The following ZNF8 variants were observed in gnomAD, a reference collection of about 807,000 sequenced individuals.
ZNF8 encodes the protein zinc finger protein 8.
A neutral mutation model predicts 12.2 loss-of-function variants in ZNF8; 9 were observed. The observed-to-expected ratio is 0.73, with a 90% confidence interval of 0.44 to 1.28. The LOEUF (loss-of-function observed/expected upper bound fraction) is 1.28, where lower values mean the gene tolerates loss of function less well. ZNF8 is among the 50% of genes most tolerant of loss of function. The pLI is 0.00. For missense variants in ZNF8, 664 were observed against 729.1 expected (o/e 0.91, Z 1.03); for synonymous variants, 274 against 282.3 (o/e 0.97, Z 0.30).
chr19:58,290,136 C>T lies in ZNF8; in HGVS notation c.289+3931C>T, dbSNP rs778622620. On this transcript the variant is annotated intron_variant, in intron 3 of 3. Transcript: ENST00000621650. ...TTTTTTTTTTTTTTTTTTTTTGAGACGGAGTCTCGCTCTCTTCCCCAGACT... is the reference window on the plus strand; with the variant it reads ...TTTTTTTTTTTTTTTTTTTTTGAGATGGAGTCTCGCTCTCTTCCCCAGACT... 1.4e-3 allele frequency among the ~76,000 whole-genome samples: 115 copies of T among 85,072 alleles called. 1 individual carries two copies. The highest frequency in any genetic ancestry group is 3.2e-3 in the Admixed American group (19 of 5,996). The allele number at this position is 85,072 out of a possible 152,430, so 55.8% of individuals were successfully genotyped here. A position where few individuals can be genotyped will look rare whatever the true frequency, so the allele number is the denominator to read the frequency against.
chr19:58,285,563 C>T (rs889067242), intron 1 of ZNF8, among the ~76,000 whole-genome samples, 154 bp from the exon 2 acceptor site: 2 of 152,176 alleles, frequency 1.3e-5, no homozygotes, highest in Non-Finnish European at 1.5e-5. Context: ...GTGTAGTGGC[C>T]TAATAGGTGC....
chr19:58,280,251 G>A, intron 1 of ZNF8: 1 of 208,806 alleles, frequency 4.8e-6, no homozygotes. Context: ...CCTGAGACCT[G>A]AGTCTGGAGG....
intron 2 of ZNF8, 94 bp from the exon 3 acceptor site, chr19:58,286,016 C>T (rs559447391): frequency 2.8e-6 from 4 of 1,423,158 alleles, no homozygotes; most frequent in South Asian, 1.2e-5. Flanking sequence ...GAGGTGCCCA[C>T]GTGTCCTCAC....
At chr19:58,287,638 C>CA (rs2051391814) in intron 3 of ZNF8, among the ~76,000 whole-genome samples, 2 of 64,834 alleles carry the variant, frequency 3.1e-5, no homozygotes, top group Admixed American at 4.4e-4. Context: ...TGCACCTGGC[C>CA]TTTTTTTTTT....
intron 1 of ZNF8, among the ~76,000 whole-genome samples, chr19:58,282,022 A>G (rs2051353340): frequency 6.6e-6 from 1 of 152,216 alleles, no homozygotes; most frequent in African/African-American, 2.4e-5. Context: ...CTGAGGTGGG[A>G]GAATCACATG....
chr19:58,284,705 C>T (rs1055938490), intron 1 of ZNF8, among the ~76,000 whole-genome samples: 7 of 151,922 alleles, frequency 4.6e-5, no homozygotes, highest in South Asian at 2.1e-4. Context: ...AAAAATTAGC[C>T]GGGCGTGGTG....
chr19:58,280,610 G>A (rs1463451028), intron 1 of ZNF8: 1 of 152,244 alleles, frequency 6.6e-6, no homozygotes, highest in Non-Finnish European at 1.5e-5. Flanking sequence ...GAGCTTCAAG[G>A]TCCAGTGTTT....
chr19:58,291,573 C>T (rs559699405), intron 3 of ZNF8, among the ~76,000 whole-genome samples: 1 of 152,318 alleles, frequency 6.6e-6, no homozygotes, highest in Admixed American at 6.5e-5. Context: ...ATGGATGTTC[C>T]TGAGGACCTG....
Position 58,302,584 on chromosome 19 carries a change from G to C in ZNF8, c.*7048G>C, listed in dbSNP as rs2051497309. On this transcript the variant is annotated 3_prime_UTR_variant, in exon 4 of 4. Coordinates refer to ENST00000621650, the MANE Select transcript of ZNF8 (RefSeq NM_021089.3). ...TGTAGCTCTTTAAATTAACTTTCAG[G>C]AGGATTGTAACAATGTGCTCTCCAC... 2.0e-5 allele frequency: 3 copies of C among 152,162 alleles called. No homozygotes were observed. The highest frequency in any genetic ancestry group is 2.0e-4 in the Admixed American group (3 of 15,278). 9.4% of individuals were successfully genotyped at this position (152,162 alleles called of 1,614,324 possible).
intron 1 of ZNF8, chr19:58,280,563 G>A (rs2051344323): frequency 6.6e-6 from 1 of 152,472 alleles, no homozygotes; most frequent in African/African-American, 2.4e-5. Context: ...GAGCATCTTG[G>A]AGACTGTCCA....
intron 3 of ZNF8, among the ~76,000 whole-genome samples, chr19:58,292,658 G>A (rs892807087): frequency 1.8e-4 from 28 of 152,226 alleles, no homozygotes; most frequent in Admixed American, 9.2e-4. Flanking sequence ...TATTCCATAC[G>A]AATGGAATCT....
intron 3 of ZNF8, among the ~76,000 whole-genome samples, chr19:58,293,610 G>GA (rs1379105653): frequency 6.6e-6 from 1 of 152,194 alleles, no homozygotes; most frequent in Non-Finnish European, 1.5e-5. Context: ...AAGAGGGTCA[G>GA]AATCAGACAA....
rs1446412571 is a variant in ZNF8, at chr19:58,295,021, G to T, written c.1213G>T (p.Gly405Cys). 6.2e-7 allele frequency: 1 copy of T among 1,613,970 alleles called. No individual in the cohort carries two copies. Among genetic ancestry groups the T allele is most frequent in the Non-Finnish European group, 8.5e-7 (1 of 1,179,994 alleles). ...CTACGAGTGTAACCACTGCGGGAAG[G>T]GCTTCAGGCACAGCTCATCCCTGGC... ...RPYECNHCGKGFRHSSSLAQH... is the reference protein window; with the variant it reads ...RPYECNHCGKCFRHSSSLAQH... The change falls in exon 4 of 4, where the codon GGC (glycine) becomes TGC (cysteine). Residue 405 changes from glycine (G) to cysteine (C), a missense_variant. Transcript: ENST00000621650.
intron 3 of ZNF8, among the ~76,000 whole-genome samples, chr19:58,290,517 A>G (rs929997443): frequency 6.6e-6 from 1 of 152,146 alleles, no homozygotes; most frequent in Non-Finnish European, 1.5e-5. Flanking sequence ...ATACCACATG[A>G]TTAAAATAGA....
rs1403009484 is a variant in ZNF8, at chr19:58,295,121, C to T, written c.1313C>T (p.Ala438Val). The change falls in exon 4 of 4, where the codon GCT becomes GTT. Residue 438 changes from alanine (A) to valine (V), a missense_variant. Physicochemically the swap from Ala to Val is moderately conservative, Grantham distance 64 (BLOSUM62 0). Around this residue, in one of 3 missense-constraint regions of ZNF8, gnomAD observed 225 missense variants for 222.0 expected, o/e 1.01. Coordinates refer to ENST00000621650, the MANE Select transcript of ZNF8 (RefSeq NM_021089.3). ...RQRLIFEQTP[A>V]LTKHEWTEAL... ...AGGCTGATCTTTGAGCAGACGCCAG[C>T]TCTCACAAAGCATGAATGGACAGAA... 3 of 1,613,908 alleles carry T rather than the reference C, an allele frequency of 1.9e-6. No individual in the cohort carries two copies. The highest frequency in any genetic ancestry group is 2.5e-6 in the Non-Finnish European group (3 of 1,180,060).
chr19:58,301,716 T>G lies in ZNF8; in HGVS notation c.*6180T>G, dbSNP rs2051492659. ...CTGAGGTTATAGCAGCCCCACAGGGTGGTAAGCTGGGATGAAGCAATCAAC... is the reference window on the plus strand; with the variant it reads ...CTGAGGTTATAGCAGCCCCACAGGGGGGTAAGCTGGGATGAAGCAATCAAC... On this transcript the variant is annotated 3_prime_UTR_variant, in exon 4 of 4. Coordinates refer to ENST00000621650, the MANE Select transcript of ZNF8 (RefSeq NM_021089.3). 1 of 152,108 alleles carries G rather than the reference T, an allele frequency of 6.6e-6. No homozygotes were observed. The highest frequency in any genetic ancestry group is 1.5e-5 in the Non-Finnish European group (1 of 68,028). The allele number at this position is 152,108 out of a possible 1,614,324, so 9.4% of individuals were successfully genotyped here. A position where few individuals can be genotyped will look rare whatever the true frequency, so the allele number is the denominator to read the frequency against.
intron 3 of ZNF8, among the ~76,000 whole-genome samples, chr19:58,291,075 CCACTCCCAGTG>C (rs1015583893): frequency 1.2e-4 from 19 of 152,234 alleles, no homozygotes; most frequent in African/African-American, 4.3e-4. Context: ...CAGGCAGATC[CCACTCCCAGTG>C]CACTCACAGG....
At chr19:58,280,876 G>T in intron 1 of ZNF8, among the ~76,000 whole-genome samples, 1 of 152,172 alleles carries the variant, frequency 6.6e-6, no homozygotes, top group East Asian at 1.9e-4. Flanking sequence ...GTAGCATGTT[G>T]CTTCAGTGAT....
At chr19:58,286,029 T>C (rs1164149257) in intron 2 of ZNF8, 81 bp from the exon 3 acceptor site, 1 of 1,490,416 alleles carries the variant, frequency 6.7e-7, no homozygotes, top group African/African-American at 1.4e-5. Context: ...GTCCTCACAG[T>C]CGGGAGTCTG....
Sources: gnomAD v4.1 joint callset for allele counts (sites outside exome capture counted in the v4.1 genomes callset) on GRCh38, gnomAD v4.1.1 for gene constraint, gnomAD v4.1.1 regional missense constraint, MANE v1.5 for transcripts, NCBI Gene and HGNC (gene_info 2026-07-23, HGNC 2026-07-21) for gene names.